The following TG variants were observed in gnomAD, a reference collection of about 807,000 sequenced individuals.
TG encodes the protein thyroglobulin.
A neutral mutation model predicts 324.7 loss-of-function variants in TG; 270 were observed. That is an observed-to-expected ratio of 0.83 (90% CI 0.75 to 0.92). The LOEUF is 0.92. TG is among the 40% of genes least tolerant of loss of function. The probability of loss-of-function intolerance (pLI) is 0.00; values close to 1 mark genes in which losing one functional copy is unlikely to be tolerated. For missense variants in TG, 3,591 were observed against 3,456.4 expected (o/e 1.04, Z -0.98); for synonymous variants, 1,401 against 1,327.0 (o/e 1.06, Z -1.21).
chr8:133,058,625 G>C (rs543664212), intron 41 of TG, among the ~76,000 whole-genome samples: 2 of 152,334 alleles, frequency 1.3e-5, no homozygotes, highest in South Asian at 4.1e-4. Context: ...TATGACCAGA[G>C]GAGGAGGCTG....
chr8:133,134,687 G>A lies in TG; in HGVS notation c.8200G>A (p.Gly2734Ser), dbSNP rs1296015264. 1 of 1,613,974 alleles carries A rather than the reference G, an allele frequency of 6.2e-7. No homozygotes were observed. The highest frequency in any genetic ancestry group is 1.3e-5 in the African/African-American group (1 of 75,030). ...SLKTSADGAK[G>S]GQSAESEEEE... The stretch of plus-strand genomic sequence containing the variant: ...CCCCTCTGTTTCAGATGGAGCCAAG[G>A]GCGGGCAGTCAGCAGAGAGTGAAGA... The change falls in exon 48 of 48, where the codon GGC (glycine) becomes AGC (serine). Residue 2734 changes from glycine to serine, a missense_variant. Coordinates refer to ENST00000220616, the MANE Select transcript of TG (RefSeq NM_003235.5).
At chr8:132,940,842 T>C (rs1475936033) in intron 25 of TG, among the ~76,000 whole-genome samples, 1 of 152,232 alleles carries the variant, frequency 6.6e-6, no homozygotes, top group Non-Finnish European at 1.5e-5. Context: ...CACAAGGCAA[T>C]GACATGCTCA....
At chr8:132,960,963 T>G in intron 27 of TG, 45 bp from the exon 28 acceptor site, 2 of 1,590,728 alleles carry the variant, frequency 1.3e-6, no homozygotes, top group Non-Finnish European at 8.6e-7. Context: ...GGGTACCCAG[T>G]GACAGCACAC....
At chr8:133,123,502 G>A (rs1851296307) in intron 45 of TG, among the ~76,000 whole-genome samples, 1 of 152,068 alleles carries the variant, frequency 6.6e-6, no homozygotes, top group Non-Finnish European at 1.5e-5. Context: ...ACCTTTCAAG[G>A]CACCACCTGC....
intron 35 of TG, chr8:133,002,735 CT>C (rs1489124558): frequency 2.4e-5 from 6 of 254,964 alleles, no homozygotes; most frequent in South Asian, 5.3e-5. Context: ...TCTTGGGCTT[CT>C]TTTTCTGATC....
intron 37 of TG, among the ~76,000 whole-genome samples, chr8:133,015,159 A>C (rs10505603): frequency 0.25 from 37,395 of 152,132 alleles, 4,640 homozygotes; most frequent in Non-Finnish European, 0.26. Context: ...AGATTTTAAT[A>C]GTATATTTCA....
intron 14 of TG, among the ~76,000 whole-genome samples, chr8:132,899,431 C>A (rs1349117538): frequency 6.6e-6 from 1 of 152,222 alleles, no homozygotes; most frequent in Non-Finnish European, 1.5e-5. Context: ...AGGGAAATCT[C>A]TGGGCTTAGT....
chr8:133,091,199 AG>A (rs1215898883), intron 41 of TG, among the ~76,000 whole-genome samples: 2 of 152,216 alleles, frequency 1.3e-5, no homozygotes, highest in Non-Finnish European at 2.9e-5. Flanking sequence ...CACTGCTGCA[AG>A]GGCTTTGTAG....
intron 41 of TG, among the ~76,000 whole-genome samples, chr8:133,039,413 G>T (rs545846235): frequency 6.6e-6 from 1 of 152,070 alleles, no homozygotes; most frequent in African/African-American, 2.4e-5. Flanking sequence ...TTCATGTCTC[G>T]CATAATTTTG....
intron 28 of TG, 93 bp from the exon 29 acceptor site, chr8:132,962,901 T>C: frequency 8.3e-7 from 1 of 1,207,240 alleles, no homozygotes; most frequent in Non-Finnish European, 1.2e-6. Flanking sequence ...CTTTAGGGCC[T>C]GATTTTTCTC....
chr8:133,052,650 G>A lies in TG; in HGVS notation c.7239+22627G>A, dbSNP rs138802747. Among the ~76,000 whole-genome samples, 594 of 152,346 alleles carry A rather than the reference G, an allele frequency of 3.9e-3. 4 individuals are homozygous for A. The highest frequency in any genetic ancestry group is 0.013 in the African/African-American group (555 of 41,582). ...AGTTGTGTTAAGTTTGAAGCCAGAA[G>A]TCCCAAGTTCTCACAAAGGGCAGGT... On this transcript the variant is annotated intron_variant, in intron 41 of 47. Coordinates refer to ENST00000220616, the MANE Select transcript of TG (RefSeq NM_003235.5).
Position 132,969,477 on chromosome 8 carries a change from G to A in TG, c.5883G>A (p.Val1961=). The A allele has an allele frequency of 6.2e-7, 1 of 1,613,332 alleles. No individual in the cohort carries two copies. The highest frequency in any genetic ancestry group is 8.5e-7 in the Non-Finnish European group (1 of 1,179,368). Residue 1961 remains valine, a synonymous_variant, in exon 32 of 48, where the codon GTG becomes GTA. Transcript: ENST00000220616. Reference sequence around the variant, plus strand: ...ATGAAGTTATACTGGAAGATAAAGTGAAGAACTTTTACACTCGCCTGCCGT... The same window carrying A: ...ATGAAGTTATACTGGAAGATAAAGTAAAGAACTTTTACACTCGCCTGCCGT... ...FRKKVILEDK[V]KNFYTRLPFQ...
At chr8:132,894,223 G>A (rs1173846119) in intron 11 of TG, among the ~76,000 whole-genome samples, 1 of 152,152 alleles carries the variant, frequency 6.6e-6, no homozygotes. Context: ...ACCCAAGCCC[G>A]TGAATGCTCA....
At chr8:132,964,704 T>C (rs1828288649) in intron 29 of TG, 4 of 587,340 alleles carry the variant, frequency 6.8e-6, no homozygotes, top group Non-Finnish European at 9.1e-6. Context: ...GGCTACAGTA[T>C]TCATTCTTTC....
chr8:132,981,235 C>A (rs1286556548), intron 34 of TG, among the ~76,000 whole-genome samples: 2 of 152,134 alleles, frequency 1.3e-5, no homozygotes, highest in Non-Finnish European at 2.9e-5. Context: ...CATGGTAATC[C>A]CCCCAGTAGA....
intron 41 of TG, among the ~76,000 whole-genome samples, chr8:133,051,764 A>G (rs1366193292): frequency 6.6e-6 from 1 of 152,166 alleles, no homozygotes; most frequent in Non-Finnish European, 1.5e-5. Flanking sequence ...GCAGGGTAAT[A>G]TTTGGATACA....
chr8:133,134,836 A>T lies in TG; in HGVS notation c.*42A>T, dbSNP rs1852229727. 2.6e-6 allele frequency: 4 copies of T among 1,510,476 alleles called. No individual in the cohort carries two copies. In the East Asian group the frequency reaches 9.0e-5, roughly 34 times the overall value. 93.6% of individuals were successfully genotyped at this position (1,510,476 alleles called of 1,614,324 possible). ...CCAAAAACCTCACCCGAGGCTGCCC[A>T]CTATGGTCATCTTTTTCTCTAAAAT... On this transcript the variant is annotated 3_prime_UTR_variant, in exon 48 of 48. Coordinates refer to ENST00000220616, the MANE Select transcript of TG (RefSeq NM_003235.5).
intron 41 of TG, chr8:133,038,432 C>A: frequency 1.0e-6 from 1 of 974,518 alleles, no homozygotes; most frequent in South Asian, 1.4e-5. Flanking sequence ...GTGAGGCTCC[C>A]AGGGATCAGG....
At chr8:132,947,308 C>T (rs1335577773) in intron 26 of TG, among the ~76,000 whole-genome samples, 2 of 152,166 alleles carry the variant, frequency 1.3e-5, no homozygotes, top group African/African-American at 4.8e-5. Context: ...TGGTTGATAC[C>T]TAGAAATGAG....
Sources: gnomAD v4.1 joint callset for allele counts (sites outside exome capture counted in the v4.1 genomes callset) on GRCh38, gnomAD v4.1.1 for gene constraint, MANE v1.5 for transcripts, NCBI Gene and HGNC (gene_info 2026-07-23, HGNC 2026-07-21) for gene names.